Variants in ANO4 observed in about 807,000 individuals in gnomAD.
The protein encoded by ANO4 is anoctamin 4, also known as anoctamin-4.
Under a neutral mutation model 141.9 loss-of-function variants are expected in ANO4, and 69 were observed. That is an observed-to-expected ratio of 0.49 (90% CI 0.40 to 0.59). The LOEUF (loss-of-function observed/expected upper bound fraction) is 0.59. ANO4 is among the 20% of genes least tolerant of loss of function. The pLI is 0.00. For synonymous variants in ANO4, 350 were observed against 394.3 expected (o/e 0.89, Z 1.33); for missense variants, 894 against 1,162.2 (o/e 0.77, Z 3.36).
intron 21 of ANO4, among the ~76,000 whole-genome samples, chr12:101,098,192 A>G (rs1193822911): frequency 6.6e-6 from 1 of 152,200 alleles, no homozygotes; most frequent in Non-Finnish European, 1.5e-5. Context: ...AGGCCCCTAA[A>G]TATTGGATAC....
chr12:100,955,750 A>G (rs1263900480), intron 5 of ANO4, among the ~76,000 whole-genome samples: 3 of 152,226 alleles, frequency 2.0e-5, no homozygotes, highest in Admixed American at 2.0e-4. Context: ...CATACTCTGC[A>G]GAGATTTCAG....
chr12:101,032,617 A>G (rs2047019787), intron 9 of ANO4, among the ~76,000 whole-genome samples: 1 of 152,190 alleles, frequency 6.6e-6, no homozygotes, highest in Admixed American at 6.5e-5. Context: ...AAACAAATTT[A>G]CAAGGAAAAA....
intron 15 of ANO4, 78 bp downstream of exon 15, chr12:101,079,353 C>A: frequency 1.6e-6 from 2 of 1,230,590 alleles, no homozygotes; most frequent in Non-Finnish European, 2.4e-6. Flanking sequence ...AATTGTCACT[C>A]TCTGTTCTGT....
At chr12:100,867,588 ACTCT>A (rs1291755816) in intron 1 of ANO4, among the ~76,000 whole-genome samples, 7 of 133,838 alleles carry the variant, frequency 5.2e-5, no homozygotes, top group African/African-American at 2.0e-4. Flanking sequence ...ATCCAGAAAA[ACTCT>A]CTCTCTGTCT....
At chr12:100,992,373 T>C (rs1375160583) in intron 8 of ANO4, among the ~76,000 whole-genome samples, 1 of 152,172 alleles carries the variant, frequency 6.6e-6, no homozygotes, top group Non-Finnish European at 1.5e-5. Context: ...ATGCAGCCTC[T>C]CCTCTCTCAG....
intron 1 of ANO4, among the ~76,000 whole-genome samples, chr12:100,866,597 A>T (rs942104521): frequency 2.0e-5 from 3 of 152,142 alleles, no homozygotes; most frequent in South Asian, 4.1e-4. Flanking sequence ...GTTCAGTAGG[A>T]TGATGAATCC....
At chr12:101,083,059 T>G (rs558061457) in intron 15 of ANO4, among the ~76,000 whole-genome samples, 1 of 152,334 alleles carries the variant, frequency 6.6e-6, no homozygotes, top group Non-Finnish European at 1.5e-5. Context: ...TAACTGGTTT[T>G]GAAAGGTGCT....
At chr12:100,735,239 G>A (rs1006737682) in intron 2 of ANO4, among the ~76,000 whole-genome samples, 1 of 152,068 alleles carries the variant, frequency 6.6e-6, no homozygotes, top group African/African-American at 2.4e-5. Flanking sequence ...AAACACAAAA[G>A]TAAACCCAGG....
intron 5 of ANO4, among the ~76,000 whole-genome samples, chr12:100,950,351 G>C (rs1238934362): frequency 6.6e-6 from 1 of 152,190 alleles, no homozygotes; most frequent in Non-Finnish European, 1.5e-5. Context: ...TGACAAGAAA[G>C]GAGAATTTAG....
chr12:100,770,102 C>T (rs1471950614), intron 3 of ANO4, among the ~76,000 whole-genome samples: 2 of 152,160 alleles, frequency 1.3e-5, no homozygotes, highest in African/African-American at 4.8e-5. Context: ...AGCTATGTAA[C>T]ACCGTGTTTT....
intron 3 of ANO4, among the ~76,000 whole-genome samples, chr12:100,742,937 G>A (rs933614684): frequency 1.5e-4 from 23 of 152,162 alleles, no homozygotes; most frequent in African/African-American, 5.3e-4. Context: ...GGTCCTGAAT[G>A]TAGTTCTTCC....
At chr12:100,740,547 G>A (rs2031817273) in intron 3 of ANO4, among the ~76,000 whole-genome samples, 1 of 152,064 alleles carries the variant, frequency 6.6e-6, no homozygotes. Flanking sequence ...GCTCTATTTA[G>A]TGACAAGATA....
At chr12:101,073,595 T>TAATAATAAA (rs1392541869) in intron 14 of ANO4, among the ~76,000 whole-genome samples, 2 of 146,578 alleles carry the variant, frequency 1.4e-5, no homozygotes, top group African/African-American at 5.0e-5. Context: ...ATAATAATAA[T>TAATAATAAA]AAAAGAAAAT....
chr12:100,932,124 A>G lies in ANO4; in HGVS notation c.161-7191A>G, dbSNP rs2136139693. Among the ~76,000 whole-genome samples, 2 of 152,120 alleles carry G rather than the reference A, an allele frequency of 1.3e-5. 1 individual carries two copies. The highest frequency in any genetic ancestry group is 4.2e-4 in the South Asian group (2 of 4,818). On this transcript the variant is annotated intron_variant, in intron 3 of 27. Coordinates refer to ENST00000392977, the MANE Select transcript of ANO4 (RefSeq NM_001286615.2). The stretch of plus-strand genomic sequence containing the variant: ...GGCGCTCTAGAGAATGAATATAGAT[A>G]CTTGGATTATGCTGCAAAGCCCTCT...
chr12:100,909,008 C>A lies in ANO4; in HGVS notation c.55+7168C>A, dbSNP rs560096241. 5.9e-5 allele frequency among the ~76,000 whole-genome samples: 9 copies of A among 152,242 alleles called. No homozygotes were observed. In the South Asian group the frequency reaches 1.9e-3, roughly 32 times the overall value. On this transcript the variant is annotated intron_variant, in intron 2 of 27. Coordinates refer to ENST00000392977, the MANE Select transcript of ANO4 (RefSeq NM_001286615.2). ...GTGCAGAACTCTATTAAACATGGGT[C>A]TTAAGGCACTCAGTCATGTCCAAGA... is the stretch of plus-strand genomic sequence containing the variant.
chr12:100,908,929 A>G (rs1004627449), intron 2 of ANO4, among the ~76,000 whole-genome samples: 5 of 152,156 alleles, frequency 3.3e-5, no homozygotes, highest in Non-Finnish European at 4.4e-5. Context: ...AGGGCCTACT[A>G]TTTACTAACA....
intron 1 of ANO4, among the ~76,000 whole-genome samples, chr12:100,834,640 G>A (rs1253270454): frequency 6.6e-6 from 1 of 152,054 alleles, no homozygotes; most frequent in Non-Finnish European, 1.5e-5. Context: ...TATTTTGGTG[G>A]CAAGGTGAGG....
intron 13 of ANO4, among the ~76,000 whole-genome samples, chr12:101,045,934 G>A (rs914058734): frequency 6.6e-6 from 1 of 152,168 alleles, no homozygotes; most frequent in South Asian, 2.1e-4. Context: ...TGTGTCTATG[G>A]GAATCTTCTT....
chr12:100,743,553 C>G (rs1378244600), intron 3 of ANO4, among the ~76,000 whole-genome samples: 3 of 151,896 alleles, frequency 2.0e-5, no homozygotes, highest in Non-Finnish European at 1.5e-5. Context: ...CTACTAGATA[C>G]TGGACTTTGG....
Sources: gnomAD v4.1 joint callset for allele counts (sites outside exome capture counted in the v4.1 genomes callset) on GRCh38, gnomAD v4.1.1 for gene constraint, MANE v1.5 for transcripts, NCBI Gene and HGNC (gene_info 2026-07-23, HGNC 2026-07-21) for gene names.